ADGRG7: variants seen among roughly 807,000 people sequenced by gnomAD.
The protein encoded by ADGRG7 is G-protein coupled receptor 128.
ADGRG7 carries 82 observed loss-of-function variants against 88.6 expected under a neutral mutation model. The observed-to-expected ratio is 0.93, with a 90% CI of 0.77 to 1.11. ADGRG7 has a LOEUF of 1.11. Ranked by LOEUF, ADGRG7 falls within the 50% of genes most tolerant of loss-of-function variation. The pLI is 0.00. For missense variants in ADGRG7, 945 were observed against 953.4 expected, an observed-to-expected ratio of 0.99 and a Z score of 0.12; for synonymous variants, 381 against 345.2, an observed-to-expected ratio of 1.10 and a Z score of -1.15.
At chr3:100,689,312 G>A (rs1243026100) in intron 15 of ADGRG7, among the ~76,000 whole-genome samples, 1 of 152,148 alleles carries the variant, frequency 6.6e-6, no homozygotes, top group Non-Finnish European at 1.5e-5. Flanking sequence ...GCACACTGAT[G>A]GGTCTTGACT....
At chr3:100,634,835 A>C (rs1707509288) in intron 4 of ADGRG7, among the ~76,000 whole-genome samples, 1 of 152,198 alleles carries the variant, frequency 6.6e-6, no homozygotes, top group African/African-American at 2.4e-5. Flanking sequence ...AACACCTGTA[A>C]ACATCTAACA....
At chr3:100,639,801 G>C (rs10451918) in intron 6 of ADGRG7, among the ~76,000 whole-genome samples, 3,508 of 152,158 alleles carry the variant, frequency 0.023, 109 homozygotes, top group African/African-American at 0.069. Context: ...TATGAATTTT[G>C]CTGACTTAAT....
chr3:100,640,639 A>G (rs990226296), intron 6 of ADGRG7, among the ~76,000 whole-genome samples: 1 of 152,080 alleles, frequency 6.6e-6, no homozygotes, highest in Non-Finnish European at 1.5e-5. Flanking sequence ...CTCCTGTCTC[A>G]GCCTCCCTAG....
intron 15 of ADGRG7, among the ~76,000 whole-genome samples, chr3:100,670,823 G>C: frequency 6.6e-6 from 1 of 152,172 alleles, no homozygotes; most frequent in East Asian, 1.9e-4. Context: ...TTGGTTTTCT[G>C]TCCTTGTGTT....
chr3:100,668,828 ATTG>A (rs1350509947), intron 14 of ADGRG7, 118 bp from the exon 15 acceptor site: 73 of 597,028 alleles, frequency 1.2e-4, no homozygotes, highest in Non-Finnish European at 1.7e-4. Flanking sequence ...GGGGCATAAT[ATTG>A]TTAAGTGAAC....
At chr3:100,618,749 A>T (rs181262820) in intron 1 of ADGRG7, among the ~76,000 whole-genome samples, 68 of 151,874 alleles carry the variant, frequency 4.5e-4, no homozygotes, top group African/African-American at 1.6e-3. Context: ...TTCCAATTCT[A>T]TGAAGAAAGT....
At chr3:100,615,026 A>AAT (rs1033002884) in intron 1 of ADGRG7, among the ~76,000 whole-genome samples, 90 of 152,338 alleles carry the variant, frequency 5.9e-4, no homozygotes, top group African/African-American at 2.0e-3. Flanking sequence ...TGTATTCCAA[A>AAT]ATATGGAGCC....
At chr3:100,675,957 C>G (rs1234496447) in intron 15 of ADGRG7, among the ~76,000 whole-genome samples, 1 of 151,894 alleles carries the variant, frequency 6.6e-6, no homozygotes, top group Non-Finnish European at 1.5e-5. Context: ...GTTATGTCTC[C>G]TTTTTCATCT....
intron 15 of ADGRG7, among the ~76,000 whole-genome samples, chr3:100,689,823 C>T (rs982016135): frequency 1.1e-4 from 16 of 152,226 alleles, no homozygotes; most frequent in East Asian, 3.9e-4. Context: ...TCCTTCATTT[C>T]GACTTTGGTG....
chr3:100,646,075 G>C lies in ADGRG7; in HGVS notation c.1077G>C (p.Gln359His), dbSNP rs775098949. The change falls in exon 9 of 16, where the codon CAG becomes CAC. Residue 359 changes from glutamine to histidine, a missense_variant. By Grantham distance (24) the Gln-to-His change is conservative. Coordinates refer to ENST00000273352, the MANE Select transcript of ADGRG7 (RefSeq NM_032787.3). ...SSKTDENEQDQSASVDMVFSP... is the reference protein window; with the variant it reads ...SSKTDENEQDHSASVDMVFSP... ...AAACTGATGAAAATGAGCAAGATCA[G>C]AGTGCTTCTGTTGACATGGTCTTTA... 6.2e-7 allele frequency: 1 copy of C among 1,613,992 alleles called. No individual in the cohort carries two copies. Among genetic ancestry groups the C allele is most frequent in the Admixed American group, 1.7e-5 (1 of 59,976 alleles).
intron 14 of ADGRG7, among the ~76,000 whole-genome samples, chr3:100,663,716 T>C (rs1251879441): frequency 1.3e-5 from 2 of 152,064 alleles, no homozygotes; most frequent in Admixed American, 6.5e-5. Context: ...TTGAGATGAC[T>C]AAGATGTTCT....
chr3:100,694,614 C>A, intron 15 of ADGRG7, 130 bp from the exon 16 acceptor site: 1 of 847,376 alleles, frequency 1.2e-6, no homozygotes. Context: ...ATGGCAGCTG[C>A]ACACTGGCAA....
chr3:100,671,490 C>T (rs2094958573), intron 15 of ADGRG7, among the ~76,000 whole-genome samples: 1 of 152,166 alleles, frequency 6.6e-6, no homozygotes, highest in South Asian at 2.1e-4. Context: ...AATTTTCTCC[C>T]ATTCTGTAGG....
intron 10 of ADGRG7, 84 bp downstream of exon 10, chr3:100,646,808 G>A: frequency 1.8e-6 from 2 of 1,134,500 alleles, no homozygotes; most frequent in Admixed American, 2.2e-5. Context: ...AGATAACTTT[G>A]GGATTTAATT....
chr3:100,651,601 T>C (rs2094929416), intron 11 of ADGRG7, among the ~76,000 whole-genome samples: 1 of 152,096 alleles, frequency 6.6e-6, no homozygotes, highest in Non-Finnish European at 1.5e-5. Context: ...TCCAGCACTT[T>C]GGGAGGCCAA....
At chr3:100,686,731 C>T (rs2094983405) in intron 15 of ADGRG7, among the ~76,000 whole-genome samples, 1 of 152,120 alleles carries the variant, frequency 6.6e-6, no homozygotes, top group South Asian at 2.1e-4. Flanking sequence ...TTCCAATGGT[C>T]TATATCTCTG....
At chr3:100,687,327 G>T (rs962967862) in intron 15 of ADGRG7, among the ~76,000 whole-genome samples, 1 of 152,114 alleles carries the variant, frequency 6.6e-6, no homozygotes, top group Non-Finnish European at 1.5e-5. Flanking sequence ...TGCAAACAGG[G>T]ACAATTTGAC....
chr3:100,628,811 T>C (rs1412613143), intron 1 of ADGRG7, among the ~76,000 whole-genome samples: 1 of 152,152 alleles, frequency 6.6e-6, no homozygotes, highest in Non-Finnish European at 1.5e-5. Context: ...TTTCTTAGAG[T>C]CACTGCTTGA....
intron 12 of ADGRG7, 65 bp downstream of exon 12, chr3:100,655,246 T>C: frequency 8.5e-7 from 1 of 1,173,888 alleles, no homozygotes; most frequent in Non-Finnish European, 1.2e-6. Flanking sequence ...ATTTAAACAC[T>C]TATTGAAGGC....
Sources: allele counts gnomAD v4.1 joint callset (sites outside exome capture counted in the v4.1 genomes callset), GRCh38; gene constraint gnomAD v4.1.1; transcripts MANE v1.5; gene names NCBI Gene and HGNC (gene_info 2026-07-23, HGNC 2026-07-21).